ZNF682: variants seen among roughly 807,000 people sequenced by gnomAD.
ZNF682 encodes zinc finger protein 682.
In ZNF682, 29 loss-of-function variants were observed where a neutral mutation model predicts 36.5. That is an observed-to-expected ratio of 0.80 (90% CI 0.59 to 1.08). The LOEUF (loss-of-function observed/expected upper bound fraction) is 1.08, where lower values mean the gene tolerates loss of function less well. ZNF682 is among the 50% of genes least tolerant of loss of function. The pLI, the probability that ZNF682 is intolerant of heterozygous loss-of-function variation, is 0.00. For synonymous variants in ZNF682, 180 were observed against 197.0 expected (o/e 0.91, Z 0.72); for missense variants, 561 against 579.7 (o/e 0.97, Z 0.33).
downstream of ZNF682, chr19:19,997,031 T>C: frequency 2.6e-6 from 1 of 383,616 alleles, no homozygotes; most frequent in Non-Finnish European, 4.6e-6. Context: ...GAAGCGAGGA[T>C]AGAGAAGAGG....
intron 3 of ZNF682, chr19:20,015,381 A>G (rs995854643): frequency 1.0e-6 from 1 of 984,564 alleles, no homozygotes; most frequent in Admixed American, 6.1e-5. Context: ...TTGGTAATAA[A>G]CATATGGCTG....
chr19:20,029,214 G>C (rs931446512), intron 1 of ZNF682, among the ~76,000 whole-genome samples: 28 of 151,488 alleles, frequency 1.8e-4, no homozygotes, highest in Admixed American at 1.7e-3. Context: ...CCTGACCTCA[G>C]TTGATCTGCC....
At chr19:20,013,318 G>C (rs1599606666) in intron 3 of ZNF682, among the ~76,000 whole-genome samples, 2 of 151,622 alleles carry the variant, frequency 1.3e-5, no homozygotes, top group East Asian at 1.9e-4. Context: ...TTATCATCAG[G>C]GTTCCCAAAT....
intron 1 of ZNF682, chr19:20,031,135 T>C (rs4808227): frequency 0.29 from 44,810 of 152,152 alleles, 9,022 homozygotes; most frequent in African/African-American, 0.58. Flanking sequence ...GAATAGACAA[T>C]AGAACTTCCC....
downstream of ZNF682, among the ~76,000 whole-genome samples, chr19:20,000,497 C>A (rs1015261514): frequency 6.6e-6 from 1 of 152,176 alleles, no homozygotes; most frequent in Non-Finnish European, 1.5e-5. Flanking sequence ...AGCCCCACAC[C>A]ACCCCCCACT....
chr19:20,010,012 T>G (rs1400250545), intron 3 of ZNF682, among the ~76,000 whole-genome samples: 6 of 151,018 alleles, frequency 4.0e-5, no homozygotes, highest in African/African-American at 1.2e-4. Flanking sequence ...AGAGCGAGAC[T>G]CCATCTCAAC....
At chr19:20,039,115 G>C (rs1377227011) in intron 1 of ZNF682, 5 of 1,388,586 alleles carry the variant, frequency 3.6e-6, no homozygotes, top group Admixed American at 3.0e-5. Flanking sequence ...GTGGGCTCCG[G>C]GCGGGAAGCG....
chr19:20,028,800 C>T lies in ZNF682; in HGVS notation c.4-4424G>A, dbSNP rs143403748. ...AACAACACGCGCACATGCATTAATGCGATGTTTATGGAGCATGCGCTGTGT... is the reference window on the plus strand; with the variant it reads ...AACAACACGCGCACATGCATTAATGTGATGTTTATGGAGCATGCGCTGTGT... On this transcript the variant is annotated intron_variant, in intron 1 of 3. Coordinates refer to ENST00000397165, the MANE Select transcript of ZNF682 (RefSeq NM_033196.3). Among the ~76,000 whole-genome samples the T allele has an allele frequency of 1.2e-3, 190 of 152,212 alleles. 1 individual carries two copies. Among genetic ancestry groups the T allele is most frequent in the African/African-American group, 3.9e-3 (163 of 41,524 alleles).
rs771831906 is a variant in ZNF682 at position 20,023,061 on chromosome 19, C to A, written c.169G>T (p.Glu57Ter). 6.2e-7 allele frequency: 1 copy of A among 1,613,990 alleles called. No homozygotes were observed. Among genetic ancestry groups the A allele is most frequent in the Non-Finnish European group, 8.5e-7 (1 of 1,179,924 alleles). Reference sequence around the variant, plus strand: ...ACATTCCAGGGCTCCTGTCTTTGCTCCAGACGGCTAATCAGTTCTGGCTTA... The same window carrying A: ...ACATTCCAGGGCTCCTGTCTTTGCTACAGACGGCTAATCAGTTCTGGCTTA... ...VSKPELISRL[E>*]QRQEPWNVKR... The change falls in exon 3 of 4, where the codon GAG (glutamate) becomes TAG (stop). Residue 57 changes from glutamate (E) to a stop codon, truncating the protein, a stop_gained. Transcript: ENST00000397165. LOFTEE classifies it high-confidence loss of function.
At chr19:20,036,035 C>T (rs1471300890) in intron 1 of ZNF682, among the ~76,000 whole-genome samples, 1 of 151,702 alleles carries the variant, frequency 6.6e-6, no homozygotes, top group African/African-American at 2.4e-5. Flanking sequence ...TGCACCCAGC[C>T]GAAAAAATAC....
chr19:20,031,362 C>T (rs2088478186), intron 1 of ZNF682, among the ~76,000 whole-genome samples: 1 of 152,186 alleles, frequency 6.6e-6, no homozygotes. Flanking sequence ...GCCTCTCACA[C>T]AACTGCAGCA....
chr19:20,025,756 C>T (rs2088426039), intron 1 of ZNF682, among the ~76,000 whole-genome samples: 1 of 151,640 alleles, frequency 6.6e-6, no homozygotes, highest in Non-Finnish European at 1.5e-5. Flanking sequence ...CACACATGGG[C>T]AGACAATCAT....
downstream of ZNF682, among the ~76,000 whole-genome samples, chr19:20,000,845 G>C (rs890120416): frequency 1.0e-3 from 156 of 152,280 alleles, 1 homozygote; most frequent in Non-Finnish European, 2.0e-3. Flanking sequence ...GATTAATGAG[G>C]AGCTGTTTGA....
chr19:20,037,080 G>T (rs182442361), intron 1 of ZNF682, among the ~76,000 whole-genome samples: 8 of 152,262 alleles, frequency 5.3e-5, no homozygotes, highest in African/African-American at 1.4e-4. Context: ...TCAAGTGGGG[G>T]AATGAAGCCC....
intron 3 of ZNF682, 121 bp from the exon 4 acceptor site, chr19:20,007,396 A>G: frequency 1.1e-6 from 1 of 885,124 alleles, no homozygotes; most frequent in South Asian, 2.0e-5. Flanking sequence ...TGCAGCTGGG[A>G]AACACTCACT....
In ZNF682 at chr19:20,005,722, C is replaced by T; in HGVS notation, c.*283G>A. The stretch of plus-strand genomic sequence containing the variant: ...TTCCACAGATAAATGTAATGTGTAT[C>T]ATTACACTTACATTGCTTTTATCTA... On this transcript the variant is annotated 3_prime_UTR_variant, in exon 4 of 4. Transcript: ENST00000397165. 1 of 390,724 alleles carries T rather than the reference C, an allele frequency of 2.6e-6. No homozygotes were observed. The highest frequency in any genetic ancestry group is 4.6e-6 in the Non-Finnish European group (1 of 217,846). The allele number at this position is 390,724 out of a possible 1,614,324, so 24.2% of individuals were successfully genotyped here. A position where few individuals can be genotyped will look rare whatever the true frequency, so the allele number is the denominator to read the frequency against.
At chr19:20,039,077 C>T (rs1256997891) in intron 1 of ZNF682, 2 of 1,291,896 alleles carry the variant, frequency 1.5e-6, no homozygotes, top group African/African-American at 3.0e-5. Context: ...TCGGGGCAGA[C>T]GCAAGAACGC....
chr19:20,004,424 C>T lies in ZNF682; in HGVS notation c.*1581G>A, dbSNP rs2088192324. The T allele has an allele frequency of 6.6e-6, 1 of 152,140 alleles. No homozygotes were observed. The highest frequency in any genetic ancestry group is 1.5e-5 in the Non-Finnish European group (1 of 68,032). 9.4% of individuals were successfully genotyped at this position (152,140 alleles called of 1,614,324 possible). ...AATTCAATGCACAACTGTCTTAACA[C>T]ATTAAAAATAATTGTTTTATTGAAA... On this transcript the variant is annotated 3_prime_UTR_variant, in exon 4 of 4. Coordinates refer to ENST00000397165, the MANE Select transcript of ZNF682 (RefSeq NM_033196.3).
At chr19:20,031,628 G>C (rs1599617279) in intron 1 of ZNF682, among the ~76,000 whole-genome samples, 1 of 152,158 alleles carries the variant, frequency 6.6e-6, no homozygotes, top group Non-Finnish European at 1.5e-5. Flanking sequence ...TCCAGTCATG[G>C]AGACTGCTCT....
Sources: allele counts gnomAD v4.1 joint callset (sites outside exome capture counted in the v4.1 genomes callset), GRCh38; gene constraint gnomAD v4.1.1; transcripts MANE v1.5; gene names NCBI Gene and HGNC (gene_info 2026-07-23, HGNC 2026-07-21).